The following MAGI1 variants were observed in gnomAD, a reference collection of about 807,000 sequenced individuals.
MAGI1 encodes the protein membrane associated guanylate kinase, WW and PDZ domain containing 1.
A neutral mutation model predicts 139.9 loss-of-function variants in MAGI1; 58 were observed. The ratio of observed to expected loss-of-function variants is 0.41; its 90% CI spans 0.34 to 0.52. MAGI1 has a LOEUF of 0.52. Among genes scored for constraint, MAGI1 ranks in the 20% least tolerant of loss-of-function variants. The pLI is 0.12. For synonymous variants in MAGI1, 812 were observed against 737.9 expected, an observed-to-expected ratio of 1.10 and a Z score of -1.63; for missense variants, 1,874 against 1,901.6, an observed-to-expected ratio of 0.99 and a Z score of 0.27.
chr3:65,596,814 C>G (rs1051577734), intron 2 of MAGI1, among the ~76,000 whole-genome samples: 2 of 152,200 alleles, frequency 1.3e-5, no homozygotes, highest in Admixed American at 6.5e-5. Flanking sequence ...GCAAGCCAGA[C>G]TCTGGATTCT....
At chr3:65,385,115 A>G (rs1943345772) in intron 14 of MAGI1, among the ~76,000 whole-genome samples, 1 of 152,174 alleles carries the variant, frequency 6.6e-6, no homozygotes, top group Non-Finnish European at 1.5e-5. Flanking sequence ...CAGTAACCTG[A>G]TATTTTACTT....
At chr3:65,732,120 A>G (rs17435749) in intron 1 of MAGI1, among the ~76,000 whole-genome samples, 32,525 of 152,166 alleles carry the variant, frequency 0.21, 3,690 homozygotes, top group African/African-American at 0.27. Flanking sequence ...AATAAAACGA[A>G]TTCAGTCTCT....
At position 65,618,053 on chromosome 3, in the gene MAGI1, C is replaced by T. The variant is rs560319485; in HGVS notation, c.430+3919G>A. 4.6e-5 allele frequency among the ~76,000 whole-genome samples: 7 copies of T among 152,208 alleles called. No homozygotes were observed. The South Asian group carries it at 8.3e-4, about 18-fold the overall frequency. On this transcript the variant is annotated intron_variant, in intron 2 of 22. Transcript: ENST00000402939. ...AATCTGCAGAAGCAACGGAGGACTT[C>T]GTGGAGGAAGTGGCATCTGGCTAAA...
intron 18 of MAGI1, among the ~76,000 whole-genome samples, chr3:65,367,921 T>C (rs554652088): frequency 5.9e-5 from 9 of 152,242 alleles, no homozygotes; most frequent in African/African-American, 2.2e-4. Flanking sequence ...CCTGCTTTGA[T>C]GGCTAGATTT....
At chr3:65,730,092 G>C (rs1260775000) in intron 1 of MAGI1, among the ~76,000 whole-genome samples, 1 of 152,204 alleles carries the variant, frequency 6.6e-6, no homozygotes, top group Non-Finnish European at 1.5e-5. Flanking sequence ...ATGAAGAGCA[G>C]ATTGAGACAA....
intron 1 of MAGI1, among the ~76,000 whole-genome samples, chr3:65,916,272 A>G (rs1050699205): frequency 2.6e-5 from 4 of 152,008 alleles, no homozygotes; most frequent in African/African-American, 9.7e-5. Context: ...TTTCGCCATG[A>G]TAGCTAGGCT....
chr3:65,539,699 G>A (rs1449256499), intron 2 of MAGI1, among the ~76,000 whole-genome samples: 3 of 152,128 alleles, frequency 2.0e-5, no homozygotes, highest in Admixed American at 2.0e-4. Flanking sequence ...GCAGACTGTG[G>A]CAACTATTTA....
chr3:65,448,407 TAGACC>T (rs1278897616), intron 6 of MAGI1, among the ~76,000 whole-genome samples: 1 of 152,160 alleles, frequency 6.6e-6, no homozygotes, highest in African/African-American at 2.4e-5. Context: ...ACAAAGCTGT[TAGACC>T]TTTCATTATC....
chr3:65,424,253 T>C (rs1035890261), intron 12 of MAGI1, among the ~76,000 whole-genome samples: 2 of 152,170 alleles, frequency 1.3e-5, no homozygotes, highest in Non-Finnish European at 2.9e-5. Context: ...GCCTTTTAAC[T>C]CTCATTATCA....
At chr3:65,407,010 A>AT (rs1945392552) in intron 12 of MAGI1, among the ~76,000 whole-genome samples, 2 of 152,336 alleles carry the variant, frequency 1.3e-5, no homozygotes, top group Non-Finnish European at 2.9e-5. Flanking sequence ...CTATCAATGC[A>AT]TAATTCTAAA....
At chr3:65,626,463 T>A (rs1024661498) in intron 1 of MAGI1, among the ~76,000 whole-genome samples, 2 of 152,170 alleles carry the variant, frequency 1.3e-5, no homozygotes, top group African/African-American at 4.8e-5. Flanking sequence ...TAGCTGGGAC[T>A]ACAGGCATGC....
intron 1 of MAGI1, among the ~76,000 whole-genome samples, chr3:65,814,313 A>G (rs554331730): frequency 6.6e-6 from 1 of 152,262 alleles, no homozygotes; most frequent in Non-Finnish European, 1.5e-5. Flanking sequence ...GATGCATGTA[A>G]TGGTGTTTAC....
intron 1 of MAGI1, among the ~76,000 whole-genome samples, chr3:65,883,898 C>T (rs1011395925): frequency 2.0e-5 from 3 of 151,848 alleles, no homozygotes; most frequent in South Asian, 4.1e-4. Flanking sequence ...TCCTGTTCAT[C>T]GAAAGAAATA....
chr3:65,621,308 T>G (rs956681421), intron 2 of MAGI1, among the ~76,000 whole-genome samples: 1 of 152,248 alleles, frequency 6.6e-6, no homozygotes, highest in Non-Finnish European at 1.5e-5. Flanking sequence ...TATCCAACCA[T>G]AGACAGACAG....
intron 1 of MAGI1, among the ~76,000 whole-genome samples, chr3:66,032,844 G>A (rs2068700151): frequency 6.7e-6 from 1 of 149,228 alleles, no homozygotes; most frequent in African/African-American, 2.5e-5. Flanking sequence ...GAACCCGGGA[G>A]GCAAAGGTTG....
intron 17 of MAGI1, among the ~76,000 whole-genome samples, chr3:65,378,683 CTT>C (rs10557893): frequency 0.15 from 20,517 of 140,420 alleles, 2,768 homozygotes; most frequent in East Asian, 0.45. Flanking sequence ...CTTTCCTTTT[CTT>C]TTTTTTTTTT....
At chr3:65,767,911 C>T (rs927224871) in intron 1 of MAGI1, among the ~76,000 whole-genome samples, 3 of 152,172 alleles carry the variant, frequency 2.0e-5, no homozygotes, top group African/African-American at 7.2e-5. Flanking sequence ...TTCATTGTTC[C>T]TGGCTTAAGC....
chr3:65,843,537 T>A lies in MAGI1; in HGVS notation c.313+194459A>T, dbSNP rs2058882168. 2.0e-5 allele frequency among the ~76,000 whole-genome samples: 3 copies of A among 152,184 alleles called. No homozygotes were observed. The South Asian group carries it at 6.2e-4, about 32-fold the overall frequency. On this transcript the variant is annotated intron_variant, in intron 1 of 22. Transcript: ENST00000402939. Reference sequence around the variant, plus strand: ...CGTCAGTTTGTTACATAGCACTAGATAACTAATGTACCTTCCCAGCTACAG... The same window carrying A: ...CGTCAGTTTGTTACATAGCACTAGAAAACTAATGTACCTTCCCAGCTACAG...
At chr3:65,706,395 CA>C (rs2107631264) in intron 1 of MAGI1, among the ~76,000 whole-genome samples, 1 of 152,326 alleles carries the variant, frequency 6.6e-6, no homozygotes, top group South Asian at 2.1e-4. Flanking sequence ...GGCGCCATAC[CA>C]TAGCCTCTGC....
Sources: allele counts gnomAD v4.1 joint callset (sites outside exome capture counted in the v4.1 genomes callset), GRCh38; gene constraint gnomAD v4.1.1; transcripts MANE v1.5; gene names NCBI Gene and HGNC (gene_info 2026-07-23, HGNC 2026-07-21).